The following PACRG variants were observed in gnomAD, a reference collection of about 807,000 sequenced individuals.
The protein encoded by PACRG is parkin coregulated.
Under a neutral mutation model 29.7 loss-of-function variants are expected in PACRG, and 29 were observed. That is an observed-to-expected ratio of 0.98 (90% CI 0.73 to 1.33). The LOEUF is 1.33. Among genes scored for constraint, PACRG ranks in the 40% most tolerant of loss-of-function variants. PACRG has a pLI of 0.00. For missense variants in PACRG, 279 were observed against 316.2 expected (o/e 0.88, Z 0.89); for synonymous variants, 116 against 118.7 (o/e 0.98, Z 0.15).
intron 4 of PACRG, among the ~76,000 whole-genome samples, chr6:163,313,221 A>C (rs1785506181): frequency 6.6e-6 from 1 of 151,946 alleles, no homozygotes; most frequent in Admixed American, 6.6e-5. Context: ...GGAACGAAAA[A>C]CCCACCTAAT....
chr6:162,914,293 A>G (rs759110790), intron 2 of PACRG, among the ~76,000 whole-genome samples: 52 of 152,178 alleles, frequency 3.4e-4, no homozygotes, highest in Non-Finnish European at 5.7e-4. Flanking sequence ...ATTCAGTATC[A>G]TTTGTTAGAA....
chr6:162,967,521 T>C (rs987358741), intron 2 of PACRG, among the ~76,000 whole-genome samples: 1 of 152,040 alleles, frequency 6.6e-6, no homozygotes, highest in Admixed American at 6.5e-5. Flanking sequence ...TTTTTTTTTT[T>C]TTGAAGATGG....
chr6:162,938,121 C>T lies in PACRG; in HGVS notation c.291+123840C>T, dbSNP rs142626912. 2.0e-5 allele frequency among the ~76,000 whole-genome samples: 3 copies of T among 152,274 alleles called. No homozygotes were observed. The East Asian group carries it at 5.8e-4, about 29-fold the overall frequency. Reference sequence around the variant, plus strand: ...ATGCATTTGCATCCTCATAGCTTAGCTCCTACTTATGAATGAGAACACACA... The same window carrying T: ...ATGCATTTGCATCCTCATAGCTTAGTTCCTACTTATGAATGAGAACACACA... On this transcript the variant is annotated intron_variant, in intron 2 of 4. Coordinates refer to ENST00000366888, the MANE Select transcript of PACRG (RefSeq NM_001080379.2).
rs1335136459 is a variant in PACRG at position 163,134,057 on chromosome 6, C to G, written c.613+44649C>G. Reference sequence around the variant, plus strand: ...TGTTTTTATTTCACTTCTTGAGACTCGCACATTCTACCAACATTCTACCTT... The same window carrying G: ...TGTTTTTATTTCACTTCTTGAGACTGGCACATTCTACCAACATTCTACCTT... On this transcript the variant is annotated intron_variant, in intron 4 of 4. Coordinates refer to ENST00000366888, the MANE Select transcript of PACRG (RefSeq NM_001080379.2). 3.9e-5 allele frequency among the ~76,000 whole-genome samples: 6 copies of G among 152,286 alleles called. No homozygotes were observed. The East Asian group carries it at 1.2e-3, about 29-fold the overall frequency.
Position 163,119,569 on chromosome 6 carries a change from C to T in PACRG, c.613+30161C>T, listed in dbSNP as rs541263037. On this transcript the variant is annotated intron_variant, in intron 4 of 4. Transcript: ENST00000366888. Reference sequence around the variant, plus strand: ...AGGAGTTGCTCAGCTACACCCATCTCGGGATGATGGAGACTCCAAGTGTTA... The same window carrying T: ...AGGAGTTGCTCAGCTACACCCATCTTGGGATGATGGAGACTCCAAGTGTTA... 5.9e-5 allele frequency among the ~76,000 whole-genome samples: 9 copies of T among 152,254 alleles called. No individual in the cohort carries two copies. In the East Asian group the frequency reaches 7.7e-4, roughly 13 times the overall value.
At chr6:162,770,113 T>C (rs1219875097) in intron 1 of PACRG, among the ~76,000 whole-genome samples, 2 of 152,144 alleles carry the variant, frequency 1.3e-5, no homozygotes, top group Non-Finnish European at 2.9e-5. Context: ...TTCCTACAGA[T>C]AGGTCCTAGA....
At chr6:162,953,269 G>A (rs1799788683) in intron 2 of PACRG, among the ~76,000 whole-genome samples, 1 of 152,060 alleles carries the variant, frequency 6.6e-6, no homozygotes, top group Admixed American at 6.5e-5. Context: ...TATAGCTTTA[G>A]CAATCTGTAT....
At chr6:163,024,647 T>C (rs1010012756) in intron 2 of PACRG, among the ~76,000 whole-genome samples, 2 of 152,228 alleles carry the variant, frequency 1.3e-5, no homozygotes, top group Non-Finnish European at 2.9e-5. Context: ...CATTGAACTG[T>C]AAATTGATTT....
chr6:163,280,427 G>A (rs1303509984), intron 4 of PACRG, among the ~76,000 whole-genome samples: 1 of 151,602 alleles, frequency 6.6e-6, no homozygotes, highest in Non-Finnish European at 1.5e-5. Flanking sequence ...CACCCCATAG[G>A]CACACACAGA....
chr6:163,062,609 GGTC>G (rs1811189107), intron 3 of PACRG, among the ~76,000 whole-genome samples: 2 of 152,084 alleles, frequency 1.3e-5, no homozygotes, highest in Admixed American at 1.3e-4. Context: ...CGCATCCAGA[GGTC>G]TTTACCTGCT....
intron 2 of PACRG, among the ~76,000 whole-genome samples, chr6:162,967,599 C>G (rs9458696): frequency 0.27 from 40,808 of 151,546 alleles, 6,405 homozygotes; most frequent in Non-Finnish European, 0.36. Context: ...CTCCGCCTCC[C>G]GGTTTCACGC....
At chr6:162,934,971 AGTT>A (rs1253085554) in intron 2 of PACRG, among the ~76,000 whole-genome samples, 1 of 152,072 alleles carries the variant, frequency 6.6e-6, no homozygotes, top group Non-Finnish European at 1.5e-5. Flanking sequence ...CTTGGCTGAT[AGTT>A]GTTGTTTTTT....
intron 2 of PACRG, among the ~76,000 whole-genome samples, chr6:162,942,551 A>G (rs1170265269): frequency 6.6e-6 from 1 of 152,020 alleles, no homozygotes; most frequent in East Asian, 1.9e-4. Context: ...GTGTTTTTCC[A>G]TTCTAGAATT....
At chr6:163,003,436 T>C (rs1299304298) in intron 2 of PACRG, among the ~76,000 whole-genome samples, 1 of 152,172 alleles carries the variant, frequency 6.6e-6, no homozygotes, top group East Asian at 1.9e-4. Flanking sequence ...TTGAGCCTGT[T>C]TGCAATACCA....
chr6:163,269,835 GAAAA>G (rs1357780809), intron 4 of PACRG, among the ~76,000 whole-genome samples: 6 of 24,068 alleles, frequency 2.5e-4, no homozygotes, highest in African/African-American at 7.9e-4. Context: ...AAGAAAGAAA[GAAAA>G]AGAAAGAAAG....
rs1360545243 is a variant in PACRG, at chr6:163,022,020, CCCTGCTGGGAGGCAGTCT to C, written c.292-40127_292-40110del. On this transcript the variant is annotated intron_variant, in intron 2 of 4. Transcript: ENST00000366888. ...AGTGATGCACAGCCGACCACGGACC[CCCTGCTGGGAGGCAGTCT>C]CCGAAGCTGCCAGTGGTCTTCGGCC... Among the ~76,000 whole-genome samples, 6 of 152,338 alleles carry C rather than the reference CCCTGCTGGGAGGCAGTCT, an allele frequency of 3.9e-5. No homozygotes were observed. In the South Asian group the frequency reaches 1.2e-3, roughly 32 times the overall value.
At chr6:163,314,413 T>A (rs541452521) in intron 4 of PACRG, among the ~76,000 whole-genome samples, 10 of 152,238 alleles carry the variant, frequency 6.6e-5, no homozygotes, top group African/African-American at 2.4e-4. Flanking sequence ...TAAGCCTCAT[T>A]CCAAAGCAGA....
chr6:162,988,677 T>C (rs546190156), intron 2 of PACRG, among the ~76,000 whole-genome samples: 1 of 152,296 alleles, frequency 6.6e-6, no homozygotes, highest in South Asian at 2.1e-4. Context: ...ACTGAATCTA[T>C]TGAAACAGTT....
Position 163,308,936 on chromosome 6 carries a change from T to C in PACRG, c.614-5891T>C, listed in dbSNP as rs570327612. Among the ~76,000 whole-genome samples, 3 of 152,340 alleles carry C rather than the reference T, an allele frequency of 2.0e-5. No homozygotes were observed. In the East Asian group the frequency reaches 5.8e-4, roughly 29 times the overall value. On this transcript the variant is annotated intron_variant, in intron 4 of 4. Coordinates refer to ENST00000366888, the MANE Select transcript of PACRG (RefSeq NM_001080379.2). Reference sequence around the variant, plus strand: ...AGGTGAAAATCCTTTTACTTGGGCCTTAAAGCTCTTGAAATTTTTTAGTTC... The same window carrying C: ...AGGTGAAAATCCTTTTACTTGGGCCCTAAAGCTCTTGAAATTTTTTAGTTC...
Sources: allele counts gnomAD v4.1 joint callset (sites outside exome capture counted in the v4.1 genomes callset), GRCh38; gene constraint gnomAD v4.1.1; transcripts MANE v1.5; gene names NCBI Gene and HGNC (gene_info 2026-07-23, HGNC 2026-07-21).